Variants in FAM133B observed in about 807,000 individuals in gnomAD.
The protein encoded by FAM133B is protein FAM133B.
FAM133B carries 25 observed loss-of-function variants against 46.4 expected under a neutral mutation model. The ratio of observed to expected loss-of-function variants is 0.54; its 90% CI spans 0.39 to 0.75. The LOEUF is 0.75. FAM133B is among the 30% of genes least tolerant of loss of function. FAM133B has a pLI of 0.00. For missense variants in FAM133B, 205 were observed against 277.6 expected, an observed-to-expected ratio of 0.74 and a Z score of 1.86; for synonymous variants, 75 against 86.0, an observed-to-expected ratio of 0.87 and a Z score of 0.71.
intron 2 of FAM133B, among the ~76,000 whole-genome samples, chr7:92,580,894 T>C (rs1358114143): frequency 6.6e-6 from 1 of 152,238 alleles, no homozygotes; most frequent in Non-Finnish European, 1.5e-5. Context: ...AATCCTTACT[T>C]CTTATTTAAC....
chr7:92,589,948 G>A (rs1038401223), intron 1 of FAM133B: 33 of 455,206 alleles, frequency 7.2e-5, no homozygotes, highest in African/African-American at 6.1e-4. Context: ...AGGTGTGGGG[G>A]GGGTTCCCCG....
intron 9 of FAM133B, among the ~76,000 whole-genome samples, chr7:92,567,140 C>A (rs1329302083): frequency 6.6e-6 from 1 of 152,044 alleles, no homozygotes; most frequent in East Asian, 1.9e-4. Context: ...TCACTTGAGC[C>A]CAGGAGTTCC....
intron 1 of FAM133B, among the ~76,000 whole-genome samples, chr7:92,588,408 C>T (rs949155430): frequency 6.6e-6 from 1 of 152,174 alleles, no homozygotes; most frequent in African/African-American, 2.4e-5. Flanking sequence ...GCCCAAAATA[C>T]TCAAACACCT....
intron 1 of FAM133B, chr7:92,589,910 TAA>T (rs1474933071): frequency 2.9e-6 from 1 of 349,906 alleles, no homozygotes; most frequent in Non-Finnish European, 5.3e-6. Flanking sequence ...TCCAAGGGCC[TAA>T]GTCTTCGGAG....
At chr7:92,577,484 C>T (rs1026732869) in intron 6 of FAM133B, 171 bp downstream of exon 6, 5 of 480,548 alleles carry the variant, frequency 1.0e-5, no homozygotes, top group Non-Finnish European at 1.8e-5. Flanking sequence ...ATATTATATA[C>T]CAATATTTAA....
chr7:92,570,544 G>A (rs141675607), intron 8 of FAM133B, among the ~76,000 whole-genome samples: 336 of 152,110 alleles, frequency 2.2e-3, no homozygotes, highest in African/African-American at 7.4e-3. Context: ...AGATTTATTC[G>A]AGCTGCATAG....
chr7:92,582,947 T>C (rs527771507), intron 1 of FAM133B, among the ~76,000 whole-genome samples: 26 of 152,136 alleles, frequency 1.7e-4, no homozygotes, highest in Admixed American at 1.5e-3. Context: ...AAGTTAAACA[T>C]AGAACTACCA....
In FAM133B at chr7:92,566,016, T is replaced by C; in HGVS notation, c.655A>G (p.Thr219Ala). The change falls in exon 10 of 11, where the codon ACA becomes GCA. Residue 219 changes from threonine to alanine, a missense_variant and splice_region_variant. Physicochemically the swap from Thr to Ala is moderately conservative, Grantham distance 58 (BLOSUM62 0). Transcript: ENST00000445716. ...TAAAAACGTTAAGAGATACTTGCTG[T>C]TGCTTTTTCTCGTTCTTCACTGCTT... ...KKSSEEREKATEKTKKKKKHK... is the reference protein window; with the variant it reads ...KKSSEEREKAAEKTKKKKKHK... The C allele has an allele frequency of 6.2e-7, 1 of 1,613,858 alleles. No individual in the cohort carries two copies. The highest frequency in any genetic ancestry group is 8.5e-7 in the Non-Finnish European group (1 of 1,179,858).
chr7:92,577,769 T>A, intron 5 of FAM133B, 52 bp from the exon 6 acceptor site: 1 of 1,439,630 alleles, frequency 6.9e-7, no homozygotes, highest in Non-Finnish European at 9.5e-7. Flanking sequence ...AATGTTTTTC[T>A]TTTACAAAGT....
chr7:92,566,093 A>G, intron 9 of FAM133B, 32 bp from the exon 10 acceptor site: 1 of 1,607,694 alleles, frequency 6.2e-7, no homozygotes, highest in Non-Finnish European at 8.5e-7. Flanking sequence ...GGAGAACAGA[A>G]GACAAACATG....
At chr7:92,565,665 G>C (rs147367444) in intron 10 of FAM133B, 4 of 192,796 alleles carry the variant, frequency 2.1e-5, no homozygotes, top group Non-Finnish European at 3.2e-5. Flanking sequence ...GGGTTTCACC[G>C]TGTTAGCCAG....
chr7:92,588,946 C>T (rs574980184), intron 1 of FAM133B, among the ~76,000 whole-genome samples: 1 of 152,278 alleles, frequency 6.6e-6, no homozygotes, highest in East Asian at 1.9e-4. Flanking sequence ...CCCATAGAAC[C>T]GTGAGCCAAT....
chr7:92,578,214 A>G (rs755457535), intron 4 of FAM133B, 32 bp from the exon 5 acceptor site: 1 of 1,609,910 alleles, frequency 6.2e-7, no homozygotes, highest in African/African-American at 1.3e-5. Context: ...AGTCTAAATA[A>G]GCTGATGTGA....
chr7:92,575,837 T>G lies in FAM133B; in HGVS notation c.466-16A>C, dbSNP rs17760432. On this transcript the variant is annotated splice_polypyrimidine_tract_variant and intron_variant, in intron 7 of 10. Transcript: ENST00000445716. ...TTAAACTATCCTAAACAAAGAAATATATGTATCAATTTTAAATGCCAAGGA... is the reference window on the plus strand; with the variant it reads ...TTAAACTATCCTAAACAAAGAAATAGATGTATCAATTTTAAATGCCAAGGA... The G allele has an allele frequency of 8.6e-7, 1 of 1,162,794 alleles. No homozygotes were observed. Among genetic ancestry groups the G allele is most frequent in the African/African-American group, 1.5e-5 (1 of 65,624 alleles). 72.0% of individuals were successfully genotyped at this position (1,162,794 alleles called of 1,614,324 possible). A position where few individuals can be genotyped will look rare whatever the true frequency, so the allele number is the denominator to read the frequency against.
chr7:92,578,684 C>T (rs1410423156), intron 3 of FAM133B, among the ~76,000 whole-genome samples: 2 of 152,118 alleles, frequency 1.3e-5, no homozygotes, highest in African/African-American at 4.8e-5. Context: ...CTAGATTCTC[C>T]GTCTAGGCTG....
intron 2 of FAM133B, among the ~76,000 whole-genome samples, chr7:92,579,941 C>T (rs1794817693): frequency 6.6e-6 from 1 of 152,162 alleles, no homozygotes; most frequent in African/African-American, 2.4e-5. Context: ...AAAAGACTGG[C>T]CCTAGGTGGG....
chr7:92,564,423 G>A (rs906440394), intron 10 of FAM133B, among the ~76,000 whole-genome samples: 2 of 152,308 alleles, frequency 1.3e-5, no homozygotes, highest in Non-Finnish European at 2.9e-5. Flanking sequence ...CTGAAAGCAT[G>A]AAACAGTGAA....
chr7:92,573,307 A>T (rs1013028011), intron 8 of FAM133B, among the ~76,000 whole-genome samples: 1 of 151,770 alleles, frequency 6.6e-6, no homozygotes, highest in African/African-American at 2.4e-5. Context: ...AACTAGGACT[A>T]CCACACCTGG....
intron 8 of FAM133B, among the ~76,000 whole-genome samples, chr7:92,571,546 C>T (rs10276838): frequency 0.19 from 28,709 of 152,080 alleles, 2,908 homozygotes; most frequent in East Asian, 0.3. Context: ...CACCCCAGTA[C>T]TGTAATAGTC....
Sources: allele counts gnomAD v4.1 joint callset (sites outside exome capture counted in the v4.1 genomes callset), GRCh38; gene constraint gnomAD v4.1.1; transcripts MANE v1.5; gene names NCBI Gene and HGNC (gene_info 2026-07-23, HGNC 2026-07-21).